Variants in TNNI3K observed in about 807,000 individuals in gnomAD.
TNNI3K encodes serine/threonine-protein kinase TNNI3K.
TNNI3K carries 140 observed loss-of-function variants against 114.5 expected under a neutral mutation model. That is an observed-to-expected ratio of 1.22 (90% CI 1.07 to 1.41). TNNI3K has a LOEUF of 1.41. Ranked by LOEUF, TNNI3K falls within the 40% of genes most tolerant of loss-of-function variation. TNNI3K has a pLI of 0.00. For synonymous variants in TNNI3K, 347 were observed against 347.5 expected (o/e 1.00, Z 0.02); for missense variants, 1,125 against 1,007.6 (o/e 1.12, Z -1.58).
chr1:74,315,700 A>G (rs1266745725), intron 5 of TNNI3K, among the ~76,000 whole-genome samples: 2 of 152,136 alleles, frequency 1.3e-5, no homozygotes. Flanking sequence ...GAAAAAATCT[A>G]TCATCGATTC....
intron 17 of TNNI3K, among the ~76,000 whole-genome samples, chr1:74,431,568 C>T (rs1040771098): frequency 6.6e-6 from 1 of 152,068 alleles, no homozygotes; most frequent in African/African-American, 2.4e-5. Context: ...GAGCTAGAAC[C>T]TCAGCCCAAG....
At chr1:74,454,988 A>G (rs1319436752) in intron 20 of TNNI3K, among the ~76,000 whole-genome samples, 2 of 152,130 alleles carry the variant, frequency 1.3e-5, no homozygotes, top group Non-Finnish European at 2.9e-5. Context: ...TATTATTATT[A>G]TCTTTAGGCC....
chr1:74,316,820 G>C (rs537044118), intron 5 of TNNI3K, among the ~76,000 whole-genome samples: 1 of 151,570 alleles, frequency 6.6e-6, no homozygotes, highest in Admixed American at 6.6e-5. Flanking sequence ...CTTCTGAGTA[G>C]CTGGGACTAC....
intron 4 of TNNI3K, among the ~76,000 whole-genome samples, chr1:74,268,911 C>T (rs1168459100): frequency 1.3e-5 from 2 of 151,886 alleles, no homozygotes; most frequent in Non-Finnish European, 2.9e-5. Context: ...AATCCAAATA[C>T]CCCATACCAT....
chr1:74,507,097 C>T (rs1189187402), intron 23 of TNNI3K, among the ~76,000 whole-genome samples: 1 of 152,110 alleles, frequency 6.6e-6, no homozygotes, highest in Non-Finnish European at 1.5e-5. Flanking sequence ...ACATAGTGTG[C>T]TGATCGCAAG....
At chr1:74,460,015 C>T (rs970884025) in intron 20 of TNNI3K, among the ~76,000 whole-genome samples, 1 of 152,062 alleles carries the variant, frequency 6.6e-6, no homozygotes, top group Non-Finnish European at 1.5e-5. Flanking sequence ...CTCAATTTAT[C>T]AGTCACACTA....
At chr1:74,399,695 C>T (rs1374647971) in intron 17 of TNNI3K, among the ~76,000 whole-genome samples, 1 of 152,084 alleles carries the variant, frequency 6.6e-6, no homozygotes, top group Admixed American at 6.5e-5. Context: ...TTAAAGCTAA[C>T]CCTAAGGAAA....
intron 22 of TNNI3K, among the ~76,000 whole-genome samples, chr1:74,491,786 T>C (rs577109190): frequency 9.2e-5 from 14 of 152,348 alleles, no homozygotes; most frequent in African/African-American, 3.4e-4. Flanking sequence ...ATGTGAAGAA[T>C]CTTTTGATCA....
At chr1:74,327,661 TA>T (rs1659984502) in intron 5 of TNNI3K, among the ~76,000 whole-genome samples, 1 of 31,162 alleles carries the variant, frequency 3.2e-5, no homozygotes, top group Non-Finnish European at 2.0e-4. Flanking sequence ...ATATCAGTAC[TA>T]TTATTATTAA....
intron 3 of TNNI3K, among the ~76,000 whole-genome samples, chr1:74,250,250 C>T (rs879531739): frequency 3.0e-4 from 45 of 152,204 alleles, no homozygotes; most frequent in Admixed American, 2.4e-3. Flanking sequence ...CAACTTCAAA[C>T]GTGCCTTCCC....
rs45536331 is a variant in TNNI3K, at chr1:74,404,584, G to A, written c.1773-31496G>A. ...ACTTCACTCCTGAGTTTCTGATTCAGTACGTATTAGTTGGGGCCAAAATAT... is the reference window on the plus strand; with the variant it reads ...ACTTCACTCCTGAGTTTCTGATTCAATACGTATTAGTTGGGGCCAAAATAT... On this transcript the variant is annotated intron_variant, in intron 17 of 24. Transcript: ENST00000326637. 4.0e-3 allele frequency among the ~76,000 whole-genome samples: 610 copies of A among 152,178 alleles called. 5 individuals carry two copies. Among genetic ancestry groups the A allele is most frequent in the African/African-American group, 0.014 (572 of 41,506 alleles).
At chr1:74,283,350 C>G (rs904496614) in intron 5 of TNNI3K, among the ~76,000 whole-genome samples, 2 of 152,080 alleles carry the variant, frequency 1.3e-5, no homozygotes, top group African/African-American at 4.8e-5. Flanking sequence ...GATCATAGAT[C>G]ATGTATTATT....
intron 4 of TNNI3K, among the ~76,000 whole-genome samples, chr1:74,254,872 T>C (rs553467055): frequency 4.4e-4 from 67 of 152,312 alleles, no homozygotes; most frequent in African/African-American, 1.5e-3. Flanking sequence ...CCACCCTAGG[T>C]ACAATGCTCA....
intron 23 of TNNI3K, among the ~76,000 whole-genome samples, chr1:74,502,571 T>C (rs79117659): frequency 6.6e-6 from 1 of 152,150 alleles, no homozygotes; most frequent in East Asian, 1.9e-4. Flanking sequence ...TTATGTCAAG[T>C]TTGGGCTTTG....
At chr1:74,482,163 C>T (rs888804068) in intron 21 of TNNI3K, among the ~76,000 whole-genome samples, 2 of 152,138 alleles carry the variant, frequency 1.3e-5, no homozygotes, top group Non-Finnish European at 2.9e-5. Context: ...CATGGGTCCC[C>T]AGTCCTTTAG....
chr1:74,445,278 G>A (rs547657691), intron 20 of TNNI3K, among the ~76,000 whole-genome samples: 14 of 141,748 alleles, frequency 9.9e-5, no homozygotes, highest in Non-Finnish European at 2.1e-4. Flanking sequence ...GTGCAGGTTA[G>A]TTACATATGT....
chr1:74,331,520 A>G lies in TNNI3K; in HGVS notation c.515A>G (p.His172Arg). 6.2e-7 allele frequency: 1 copy of G among 1,613,708 alleles called. No homozygotes were observed. Among genetic ancestry groups the G allele is most frequent in the Non-Finnish European group, 8.5e-7 (1 of 1,179,776 alleles). ...GATGCAGTTTTTTTCACTCCATTGC[A>G]TATTGCAGCGTACTATGGACATGAA... ...IQDAVFFTPLHIAAYYGHEQV... is the reference protein window; with the variant it reads ...IQDAVFFTPLRIAAYYGHEQV... The change falls in exon 6 of 25, where the codon CAT becomes CGT. Residue 172 changes from histidine (H) to arginine (R), a missense_variant. Transcript: ENST00000326637.
chr1:74,506,166 A>C (rs1316597479), intron 23 of TNNI3K, among the ~76,000 whole-genome samples: 3 of 152,202 alleles, frequency 2.0e-5, no homozygotes, highest in African/African-American at 7.2e-5. Flanking sequence ...AAAAGAGAAG[A>C]CACGTTACAT....
intron 6 of TNNI3K, among the ~76,000 whole-genome samples, chr1:74,333,794 G>A (rs1272332768): frequency 6.6e-6 from 1 of 152,138 alleles, no homozygotes; most frequent in African/African-American, 2.4e-5. Flanking sequence ...TATTTCCTAG[G>A]TATGTAATAA....
Sources: allele counts gnomAD v4.1 joint callset (sites outside exome capture counted in the v4.1 genomes callset), GRCh38; gene constraint gnomAD v4.1.1; transcripts MANE v1.5; gene names NCBI Gene and HGNC (gene_info 2026-07-23, HGNC 2026-07-21).